The following AGAP3 variants were observed in gnomAD, a reference collection of about 807,000 sequenced individuals.
The protein encoded by AGAP3 is ArfGAP with GTPase domain, ankyrin repeat and PH domain 3.
Under a neutral mutation model 96.9 loss-of-function variants are expected in AGAP3, and 24 were observed. The ratio of observed to expected loss-of-function variants is 0.25; its 90% CI spans 0.18 to 0.35. The LOEUF (loss-of-function observed/expected upper bound fraction) is 0.35. Among genes scored for constraint, AGAP3 ranks in the 10% least tolerant of loss-of-function variants. The pLI is 1.00. For synonymous variants in AGAP3, 563 were observed against 536.1 expected (o/e 1.05, Z -0.69); for missense variants, 876 against 1,254.2 (o/e 0.70, Z 4.55).
Position 151,142,382 on chromosome 7 carries a change from T to C in AGAP3, c.2051-30T>C. ...CCGCGCTCTGGTGGCCTGCCTGCTGTCGCTGTATCATTCTCCTCTCCTTGC... is the reference window on the plus strand; with the variant it reads ...CCGCGCTCTGGTGGCCTGCCTGCTGCCGCTGTATCATTCTCCTCTCCTTGC... On this transcript the variant is annotated intron_variant, in intron 15 of 17. Transcript: ENST00000397238. This position sits in a 1 kb window ranked among gnomAD's most constrained non-coding sequence, Gnocchi z 7.5. 1 of 1,605,474 alleles carries C rather than the reference T, an allele frequency of 6.2e-7. No individual in the cohort carries two copies.
In AGAP3 at chr7:151,142,712, G is replaced by A; in HGVS notation, c.2273+78G>A. 2 of 1,463,034 alleles carry A rather than the reference G, an allele frequency of 1.4e-6. No individual in the cohort carries two copies. Among genetic ancestry groups the A allele is most frequent in the South Asian group, 1.2e-5 (1 of 84,118 alleles). 90.6% of individuals were successfully genotyped at this position (1,463,034 alleles called of 1,614,324 possible). A position where few individuals can be genotyped will look rare whatever the true frequency, so the allele number is the denominator to read the frequency against. On this transcript the variant is annotated intron_variant, in intron 16 of 17. Coordinates refer to ENST00000397238, the MANE Select transcript of AGAP3 (RefSeq NM_031946.7). The surrounding 1 kb of genome is among the most constrained non-coding windows in gnomAD (Gnocchi z 7.5). Reference sequence around the variant, plus strand: ...TCCCAGCATGGGGAAGATTGGAGTGGCTGTGATGGTATTAGAAGGGTTAAA... The same window carrying A: ...TCCCAGCATGGGGAAGATTGGAGTGACTGTGATGGTATTAGAAGGGTTAAA...
Position 151,112,396 on chromosome 7 carries a change from C to CGTGTGTGTGTGTGTGTGT in AGAP3, c.332-4374_332-4357dup, listed in dbSNP as rs71819427. Among the ~76,000 whole-genome samples the CGTGTGTGTGTGTGTGTGT allele has an allele frequency of 5.7e-5, 8 of 139,950 alleles. No homozygotes were observed. The East Asian group carries it at 1.1e-3, about 19-fold the overall frequency. The allele number at this position is 139,950 out of a possible 152,430, so 91.8% of individuals were successfully genotyped here. On this transcript the variant is annotated intron_variant, in intron 1 of 17. Coordinates refer to ENST00000397238, the MANE Select transcript of AGAP3 (RefSeq NM_031946.7). Reference sequence around the variant, plus strand: ...GGATTGCTGCCTGCCTTCCCCGAGACGTGTGTGTGTGTGTGTGTGTGTGTG... The same window carrying CGTGTGTGTGTGTGTGTGT: ...GGATTGCTGCCTGCCTTCCCCGAGACGTGTGTGTGTGTGTGTGTGTGTGTGTGTGTGTGTGTGTGTGTG...
rs754104196 is a variant in AGAP3 at position 151,120,149 on chromosome 7, C to T, written c.1128+4C>T. 127 of 1,591,864 alleles carry T rather than the reference C, an allele frequency of 8.0e-5. 1 individual carries two copies. The highest frequency in any genetic ancestry group is 7.5e-4 in the South Asian group (66 of 88,368). On this transcript the variant is annotated splice_donor_region_variant and intron_variant, in intron 8 of 17. Coordinates refer to ENST00000397238, the MANE Select transcript of AGAP3 (RefSeq NM_031946.7). ...GCGGCGCTCCAACATCTTCACGGTA[C>T]GTGACTGCCCTCCTCCCCCGCCCAG...
intron 1 of AGAP3, among the ~76,000 whole-genome samples, chr7:151,097,517 CAAAAAA>C (rs67915216): frequency 2.1e-5 from 2 of 95,668 alleles, no homozygotes; most frequent in East Asian, 5.3e-4. Flanking sequence ...GACTCTGTCT[CAAAAAA>C]AAAAAAAAAA....
chr7:151,133,170 C>G lies in AGAP3; in HGVS notation c.1327-1230C>G, dbSNP rs1421692022. Reference sequence around the variant, plus strand: ...TCAGAAGTTAAATCTGGCACCACCACCCAGGTTCTTCTCTCAGGAAGGGGC... The same window carrying G: ...TCAGAAGTTAAATCTGGCACCACCAGCCAGGTTCTTCTCTCAGGAAGGGGC... On this transcript the variant is annotated intron_variant, in intron 10 of 17. Transcript: ENST00000397238. This position sits in a 1 kb window ranked among gnomAD's most constrained non-coding sequence, Gnocchi z 5.4. Among the ~76,000 whole-genome samples, 4 of 152,200 alleles carry G rather than the reference C, an allele frequency of 2.6e-5. No individual in the cohort carries two copies. Among genetic ancestry groups the G allele is most frequent in the Non-Finnish European group, 4.4e-5 (3 of 68,038 alleles).
intron 1 of AGAP3, among the ~76,000 whole-genome samples, chr7:151,103,549 CAT>C (rs1798917368): frequency 6.6e-6 from 1 of 152,170 alleles, no homozygotes; most frequent in African/African-American, 2.4e-5. Flanking sequence ...CTCATGCTCA[CAT>C]ATGTTTTTTC....
At chr7:151,109,190 A>G (rs2150440613) in intron 1 of AGAP3, among the ~76,000 whole-genome samples, 1 of 151,188 alleles carries the variant, frequency 6.6e-6, no homozygotes, top group Admixed American at 6.6e-5. Context: ...ACAAAAAACA[A>G]AAAACAAAGA....
intron 1 of AGAP3, chr7:151,090,126 G>T (rs1190458010): frequency 6.6e-6 from 1 of 152,198 alleles, no homozygotes; most frequent in Non-Finnish European, 1.5e-5. Context: ...AGGAGCCCGG[G>T]ATCTTTCCAG....
intron 1 of AGAP3, among the ~76,000 whole-genome samples, chr7:151,088,998 G>A (rs1184760811): frequency 2.0e-5 from 3 of 151,944 alleles, no homozygotes; most frequent in African/African-American, 4.8e-5. Context: ...ACCCAGCCGC[G>A]GCTCACACAT....
chr7:151,095,792 C>T (rs1397360178), intron 1 of AGAP3, among the ~76,000 whole-genome samples: 1 of 151,020 alleles, frequency 6.6e-6, no homozygotes, highest in Non-Finnish European at 1.5e-5. Context: ...GGAGGCTTTC[C>T]ATCACTCTGA....
intron 1 of AGAP3, 67 bp from the exon 2 acceptor site, chr7:151,116,726 G>C: frequency 6.3e-7 from 1 of 1,580,204 alleles, no homozygotes; most frequent in Non-Finnish European, 8.7e-7. Flanking sequence ...AGGTGACACA[G>C]GCAGCAGTGG....
intron 9 of AGAP3, among the ~76,000 whole-genome samples, chr7:151,128,061 G>C (rs1800250920): frequency 6.6e-6 from 1 of 152,158 alleles, no homozygotes; most frequent in South Asian, 2.1e-4. Context: ...GGTGGTCTGG[G>C]GGATGCTTGG....
At chr7:151,101,340 T>C (rs1798827513) in intron 1 of AGAP3, among the ~76,000 whole-genome samples, 1 of 152,212 alleles carries the variant, frequency 6.6e-6, no homozygotes, top group Non-Finnish European at 1.5e-5. Context: ...CAGGCCATTA[T>C]GGTGGCTGGA....
chr7:151,110,245 C>T (rs900219599), intron 1 of AGAP3, among the ~76,000 whole-genome samples: 1 of 152,246 alleles, frequency 6.6e-6, no homozygotes, highest in African/African-American at 2.4e-5. Flanking sequence ...TCCACTCATT[C>T]ACTCGGGGAA....
At chr7:151,124,035 C>T (rs1800048199) in intron 9 of AGAP3, 149 bp downstream of exon 9, 1 of 816,628 alleles carries the variant, frequency 1.2e-6, no homozygotes, top group East Asian at 2.7e-5. Context: ...TAACAAGGGA[C>T]TGGCTCTCCA....
chr7:151,097,224 A>G (rs1396439328), intron 1 of AGAP3, among the ~76,000 whole-genome samples: 1 of 152,128 alleles, frequency 6.6e-6, no homozygotes, highest in Non-Finnish European at 1.5e-5. Flanking sequence ...CTGAGGCTGG[A>G]TAATTTGTAA....
intron 10 of AGAP3, among the ~76,000 whole-genome samples, 174 bp downstream of exon 10, chr7:151,128,858 A>G (rs951346398): frequency 6.6e-6 from 1 of 152,146 alleles, no homozygotes; most frequent in African/African-American, 2.4e-5. Context: ...CATGCACAAG[A>G]CCCGGCTGGC....
rs1800495493 is a variant in AGAP3 at position 151,133,977 on chromosome 7, C to T, written c.1327-423C>T. 6.6e-6 allele frequency among the ~76,000 whole-genome samples: 1 copy of T among 152,132 alleles called. No individual in the cohort carries two copies. The highest frequency in any genetic ancestry group is 1.5e-5 in the Non-Finnish European group (1 of 68,024). ...CTAGGCTTTAGAAGGTTCTTAATGC[C>T]CAGGTGGGGGCTGCAGTGCTTGGTG... is the stretch of plus-strand genomic sequence containing the variant. On this transcript the variant is annotated intron_variant, in intron 10 of 17. Transcript: ENST00000397238. The surrounding 1 kb of genome is among the most constrained non-coding windows in gnomAD (Gnocchi z 5.4).
chr7:151,143,740 G>C lies in AGAP3; in HGVS notation c.2533G>C (p.Gly845Arg), dbSNP rs779216904. ...VVFTQLLIWY[G>R]VDVRSRDARG... is the part of the protein sequence containing the mutation. ...CAACATGTGTTTTCTCCTACAGTAC[G>C]GGGTGGACGTGAGGAGCCGGGACGC... The change falls in exon 18 of 18, where the codon GGG becomes CGG. Residue 845 changes from glycine (G) to arginine (R), a missense_variant. Physicochemically the swap from Gly to Arg is moderately radical, Grantham distance 125. Transcript: ENST00000397238. The surrounding 1 kb of genome is among the most constrained non-coding windows in gnomAD (Gnocchi z 5.9). 1.2e-6 allele frequency: 2 copies of C among 1,614,042 alleles called. No homozygotes were observed. Among genetic ancestry groups the C allele is most frequent in the Admixed American group, 1.7e-5 (1 of 60,012 alleles).
Sources: gnomAD v4.1 joint callset for allele counts (sites outside exome capture counted in the v4.1 genomes callset) on GRCh38, gnomAD v4.1.1 for gene constraint, Gnocchi (gnomAD v3.1) non-coding constraint, MANE v1.5 for transcripts, NCBI Gene and HGNC (gene_info 2026-07-23, HGNC 2026-07-21) for gene names.